The following FAM169A variants were observed in gnomAD, a reference collection of about 807,000 sequenced individuals.
The protein encoded by FAM169A is family with sequence similarity 169 member A.
A neutral mutation model predicts 75.7 loss-of-function variants in FAM169A; 24 were observed. That is an observed-to-expected ratio of 0.32 (90% confidence interval 0.23 to 0.45). FAM169A has a LOEUF of 0.45. FAM169A is among the 20% of genes least tolerant of loss of function. The pLI is 1.00. For missense variants in FAM169A, 673 were observed against 784.0 expected (o/e 0.86, Z 1.69); for synonymous variants, 271 against 271.0 (o/e 1.00, Z 0.00).
intron 9 of FAM169A, 71 bp downstream of exon 9, chr5:74,801,519 G>A: frequency 6.8e-6 from 7 of 1,031,706 alleles, no homozygotes; most frequent in Non-Finnish European, 8.9e-6. Flanking sequence ...ACACATGCAT[G>A]CACACACACA....
rs551132211 is a variant in FAM169A at position 74,834,727 on chromosome 5, T to C, written c.319-130A>G. ...GCACTTCAAATGCATTCAAAAAAAT[T>C]TGCAAAACATTTTATTACCACAGAG... On this transcript the variant is annotated intron_variant, in intron 4 of 12. Transcript: ENST00000687041. 14 of 579,300 alleles carry C rather than the reference T, an allele frequency of 2.4e-5. No homozygotes were observed. The African/African-American group carries it at 2.7e-4, about 11-fold the overall frequency. The allele number at this position is 579,300 out of a possible 1,614,324, so 35.9% of individuals were successfully genotyped here.
At chr5:74,792,440 C>A (rs557747881) in intron 11 of FAM169A, among the ~76,000 whole-genome samples, 1 of 152,278 alleles carries the variant, frequency 6.6e-6, no homozygotes, top group African/African-American at 2.4e-5. Flanking sequence ...CAGCCTACAT[C>A]TTTCTCCTGT....
chr5:74,807,422 T>C (rs1460637069), intron 6 of FAM169A, among the ~76,000 whole-genome samples: 2 of 152,222 alleles, frequency 1.3e-5, no homozygotes, highest in African/African-American at 4.8e-5. Flanking sequence ...TGGCAGCCAC[T>C]GCCCAGCTTC....
chr5:74,791,207 T>C (rs1281521386), intron 11 of FAM169A, among the ~76,000 whole-genome samples: 2 of 152,186 alleles, frequency 1.3e-5, no homozygotes, highest in African/African-American at 4.8e-5. Flanking sequence ...GTGATAATAC[T>C]TAGCAGGGCT....
intron 5 of FAM169A, among the ~76,000 whole-genome samples, chr5:74,821,439 C>G (rs1232480955): frequency 6.6e-6 from 1 of 152,210 alleles, no homozygotes; most frequent in Non-Finnish European, 1.5e-5. Flanking sequence ...CCCCTTAAAA[C>G]TTAACACCTC....
At chr5:74,789,641 A>G (rs1745874569) in intron 11 of FAM169A, among the ~76,000 whole-genome samples, 1 of 152,226 alleles carries the variant, frequency 6.6e-6, no homozygotes, top group African/African-American at 2.4e-5. Flanking sequence ...TGTCAGTGGC[A>G]GGCAGGGATG....
intron 9 of FAM169A, 28 bp downstream of exon 9, chr5:74,801,562 T>A: frequency 1.3e-6 from 2 of 1,550,296 alleles, no homozygotes; most frequent in Middle Eastern, 1.7e-4. Context: ...TCTCAAATAC[T>A]TACTGATATA....
rs1441758541 is a variant in FAM169A, at chr5:74,779,293, T to TAAAGA, written c.*2162_*2166dup. ...CAATCTTTAAAAAACTACACTTGTC[T>TAAAGA]AAAGAAAGTCTTTTAGTGCTCACTT... On this transcript the variant is annotated 3_prime_UTR_variant, in exon 13 of 13. Transcript: ENST00000687041. 6.6e-6 allele frequency: 1 copy of TAAAGA among 152,172 alleles called. No homozygotes were observed. The highest frequency in any genetic ancestry group is 1.5e-5 in the Non-Finnish European group (1 of 68,000). 9.4% of individuals were successfully genotyped at this position (152,172 alleles called of 1,614,324 possible). A position where few individuals can be genotyped will look rare whatever the true frequency, so the allele number is the denominator to read the frequency against.
intron 6 of FAM169A, 131 bp from the exon 7 acceptor site, chr5:74,805,415 C>A: frequency 3.2e-6 from 2 of 621,260 alleles, no homozygotes; most frequent in Non-Finnish European, 2.7e-6. Context: ...ACCAGCAACA[C>A]AACTCAAGTA....
rs929084709 is a variant in FAM169A at position 74,814,026 on chromosome 5, T to C, written c.491-7A>G. ...AAAGAGGCACATATGCTTCCTGCAGTAATAAGAACAGAAACCCAATAATTT... is the reference window on the plus strand; with the variant it reads ...AAAGAGGCACATATGCTTCCTGCAGCAATAAGAACAGAAACCCAATAATTT... On this transcript the variant is annotated splice_region_variant and splice_polypyrimidine_tract_variant and intron_variant, in intron 5 of 12. Coordinates refer to ENST00000687041, the MANE Select transcript of FAM169A (RefSeq NM_001376049.1). 3 of 1,522,028 alleles carry C rather than the reference T, an allele frequency of 2.0e-6. No homozygotes were observed. The highest frequency in any genetic ancestry group is 2.6e-6 in the Non-Finnish European group (3 of 1,140,470). 94.3% of individuals were successfully genotyped at this position (1,522,028 alleles called of 1,614,324 possible).
intron 5 of FAM169A, among the ~76,000 whole-genome samples, chr5:74,814,354 C>T (rs943224228): frequency 1.3e-5 from 2 of 152,044 alleles, no homozygotes; most frequent in African/African-American, 4.8e-5. Flanking sequence ...TAAAACTCAT[C>T]AACTATTAAA....
rs1580097243 is a variant in FAM169A at position 74,801,736 on chromosome 5, A to G, written c.913-107T>C. ...AAAACTTGTAAAATGTTTTCCAAAT[A>G]GCACTTTTTGTTAACAACATTTACT... is the stretch of plus-strand genomic sequence containing the variant. On this transcript the variant is annotated intron_variant, in intron 8 of 12. Transcript: ENST00000687041. 4 of 814,044 alleles carry G rather than the reference A, an allele frequency of 4.9e-6. No homozygotes were observed. The East Asian group carries it at 9.8e-5, about 20-fold the overall frequency. 50.4% of individuals were successfully genotyped at this position (814,044 alleles called of 1,614,324 possible).
At chr5:74,835,196 T>C (rs1748508635) in intron 4 of FAM169A, among the ~76,000 whole-genome samples, 1 of 152,176 alleles carries the variant, frequency 6.6e-6, no homozygotes, top group South Asian at 2.1e-4. Context: ...AATAAAAACA[T>C]ACTTAGGGCA....
chr5:74,838,583 T>C (rs1050446531), intron 4 of FAM169A, among the ~76,000 whole-genome samples: 2 of 152,170 alleles, frequency 1.3e-5, no homozygotes, highest in African/African-American at 2.4e-5. Context: ...GAACACTATA[T>C]AGACCACCTG....
intron 4 of FAM169A, among the ~76,000 whole-genome samples, chr5:74,838,319 C>T (rs1045433056): frequency 1.3e-5 from 2 of 152,092 alleles, no homozygotes; most frequent in Admixed American, 1.3e-4. Flanking sequence ...CTCTTCCAGC[C>T]ACCAAAGATT....
intron 5 of FAM169A, among the ~76,000 whole-genome samples, chr5:74,822,353 C>T (rs943121874): frequency 2.0e-5 from 3 of 152,210 alleles, no homozygotes; most frequent in African/African-American, 7.2e-5. Flanking sequence ...GTAGTTGTAA[C>T]AGTGACTGGA....
chr5:74,809,338 T>G (rs1371029564), intron 6 of FAM169A, among the ~76,000 whole-genome samples: 4 of 152,304 alleles, frequency 2.6e-5, no homozygotes, highest in Non-Finnish European at 5.9e-5. Flanking sequence ...CTCACGCCTG[T>G]AATCTCAGCA....
intron 5 of FAM169A, among the ~76,000 whole-genome samples, chr5:74,816,126 T>A (rs1389266176): frequency 6.6e-6 from 1 of 152,224 alleles, no homozygotes; most frequent in African/African-American, 2.4e-5. Context: ...ACGCAACCAC[T>A]ATGTTTTTAA....
intron 11 of FAM169A, among the ~76,000 whole-genome samples, chr5:74,790,097 G>C (rs1745896557): frequency 6.6e-6 from 1 of 152,202 alleles, no homozygotes; most frequent in East Asian, 1.9e-4. Flanking sequence ...GTTACATGAG[G>C]AAGTGGCTCA....
Sources: gnomAD v4.1 joint callset for allele counts (sites outside exome capture counted in the v4.1 genomes callset) on GRCh38, gnomAD v4.1.1 for gene constraint, MANE v1.5 for transcripts, NCBI Gene and HGNC (gene_info 2026-07-23, HGNC 2026-07-21) for gene names.